Variants in CEP76 observed in about 807,000 individuals in gnomAD.
CEP76 encodes the protein centrosomal protein 76, also known as centrosomal protein of 76 kDa.
A neutral mutation model predicts 83.3 loss-of-function variants in CEP76; 55 were observed. The observed-to-expected ratio is 0.66, with a 90% confidence interval of 0.53 to 0.83. The LOEUF (loss-of-function observed/expected upper bound fraction) is 0.83. Ranked by LOEUF, CEP76 falls within the 40% of genes least tolerant of loss-of-function variation. The pLI, the probability that CEP76 is intolerant of heterozygous loss-of-function variation, is 0.00. For missense variants in CEP76, 694 were observed against 799.5 expected (o/e 0.87, Z 1.59); for synonymous variants, 270 against 274.5 (o/e 0.98, Z 0.16).
In CEP76 at chr18:12,673,288, C is replaced by T. The variant is rs1156861236; in HGVS notation, c.*77G>A. The T allele has an allele frequency of 2.0e-6, 3 of 1,507,202 alleles. No individual in the cohort carries two copies. The African/African-American group carries it at 4.4e-5, about 22-fold the overall frequency. 93.4% of individuals were successfully genotyped at this position (1,507,202 alleles called of 1,614,324 possible). On this transcript the variant is annotated 3_prime_UTR_variant, in exon 12 of 12. Transcript: ENST00000262127. Reference sequence around the variant, plus strand: ...CAGATTGTGATTTTAAAATAACAAACCTCTAAATAGCTAAGTAATGTACAA... The same window carrying T: ...CAGATTGTGATTTTAAAATAACAAATCTCTAAATAGCTAAGTAATGTACAA...
chr18:12,666,437 T>G (rs986483039), intron 12 of CEP76, among the ~76,000 whole-genome samples: 608 of 60,096 alleles, frequency 0.01, 6 homozygotes, highest in African/African-American at 0.033. Context: ...AATTTTATGG[T>G]TTTTTTTTTT....
At chr18:12,662,377 A>G (rs1287129300) in intron 12 of CEP76, among the ~76,000 whole-genome samples, 2 of 152,224 alleles carry the variant, frequency 1.3e-5, no homozygotes, top group Non-Finnish European at 2.9e-5. Context: ...AGGACAAAAT[A>G]CAGAAGCAGT....
In CEP76 at chr18:12,702,632, G is replaced by C. The variant is rs1015507977; in HGVS notation, c.-84C>G. 30 of 1,438,068 alleles carry C rather than the reference G, an allele frequency of 2.1e-5. No individual in the cohort carries two copies. In the African/African-American group the frequency reaches 4.2e-4, roughly 20 times the overall value. The allele number at this position is 1,438,068 out of a possible 1,614,324, so 89.1% of individuals were successfully genotyped here. A position where few individuals can be genotyped will look rare whatever the true frequency, so the allele number is the denominator to read the frequency against. ...CCCCGGCCGGGCCAGGGAGCGTTAG[G>C]AGCGACTGGAGCACAAAGCGCCGCA... is the stretch of plus-strand genomic sequence containing the variant. On this transcript the variant is annotated 5_prime_UTR_variant, in exon 1 of 12. Transcript: ENST00000262127.
At chr18:12,696,964 C>G (rs867938243) in intron 5 of CEP76, among the ~76,000 whole-genome samples, 1 of 151,952 alleles carries the variant, frequency 6.6e-6, no homozygotes, top group African/African-American at 2.4e-5. Flanking sequence ...AAATTAAAAC[C>G]CTCAAAATTC....
At chr18:12,678,054 T>C (rs2039207580) in intron 10 of CEP76, 55 bp downstream of exon 10, 3 of 1,428,708 alleles carry the variant, frequency 2.1e-6, no homozygotes, top group Non-Finnish European at 2.9e-6. Context: ...CAAAAAACAG[T>C]TAAATACATA....
intron 12 of CEP76, among the ~76,000 whole-genome samples, chr18:12,666,672 A>T (rs1359112099): frequency 6.7e-6 from 1 of 149,972 alleles, no homozygotes; most frequent in East Asian, 2.0e-4. Context: ...CTGGTCTCGA[A>T]CTCCTCACTC....
downstream of CEP76, among the ~76,000 whole-genome samples, chr18:12,669,382 G>T (rs2038882777): frequency 6.6e-6 from 1 of 151,942 alleles, no homozygotes; most frequent in African/African-American, 2.4e-5. Flanking sequence ...AAAGTGCTGG[G>T]ATTACAGGCA....
chr18:12,672,883 G>GT lies in CEP76; in HGVS notation c.*481dup. The GT allele has an allele frequency of 1.0e-6, 1 of 985,238 alleles. No homozygotes were observed. Among genetic ancestry groups the GT allele is most frequent in the Middle Eastern group, 5.2e-4 (1 of 1,912 alleles). 61.0% of individuals were successfully genotyped at this position (985,238 alleles called of 1,614,324 possible). On this transcript the variant is annotated 3_prime_UTR_variant, in exon 12 of 12. Transcript: ENST00000262127. ...GGACCACGAATAAACCACAAAAGTG[G>GT]TAATTCATTAACATTTATTTTCACC...
At chr18:12,676,571 G>C (rs2039144474) in intron 10 of CEP76, among the ~76,000 whole-genome samples, 1 of 151,910 alleles carries the variant, frequency 6.6e-6, no homozygotes, top group South Asian at 2.1e-4. Flanking sequence ...CACTGTGCCT[G>C]GCCAAAAGTA....
rs548162238 is a variant in CEP76, at chr18:12,677,384, ACCAAGATCACGCCACTGTG to A, written c.1623+706_1623+724del. Among the ~76,000 whole-genome samples the A allele has an allele frequency of 2.8e-3, 422 of 149,854 alleles. 1 individual carries two copies. Among genetic ancestry groups the A allele is most frequent in the Non-Finnish European group, 3.9e-3 (264 of 67,568 alleles). On this transcript the variant is annotated intron_variant, in intron 10 of 11. Coordinates refer to ENST00000262127, the MANE Select transcript of CEP76 (RefSeq NM_024899.4). The stretch of plus-strand genomic sequence containing the variant: ...ACCTGGGAGGTAGAGGTTGCAGTGA[ACCAAGATCACGCCACTGTG>A]CCAAGATCACGCCACTGCGCTCCAG...
At position 12,695,329 on chromosome 18, in the gene CEP76, C is replaced by CA; in HGVS notation, c.728dup (p.Ile245AsnfsTer7). 6.5e-7 allele frequency: 1 copy of CA among 1,546,352 alleles called. No homozygotes were observed. Among genetic ancestry groups the CA allele is most frequent in the Non-Finnish European group, 8.9e-7 (1 of 1,127,462 alleles). ...TTTCAAGTTTTATATTTAAAATTCC[C>CA]ACAGAAACTTTTGATTCTGTGCCTA... On this transcript the variant is annotated frameshift_variant, in exon 6 of 12. Transcript: ENST00000262127. LOFTEE classifies it high-confidence loss of function.
At chr18:12,699,735 G>C in intron 3 of CEP76, 95 bp downstream of exon 3, 1 of 685,124 alleles carries the variant, frequency 1.5e-6, no homozygotes. Context: ...ATTTTGGGGG[G>C]AAAAAATGGA....
intron 6 of CEP76, among the ~76,000 whole-genome samples, chr18:12,693,561 G>C (rs748995745): frequency 6.6e-6 from 1 of 152,286 alleles, no homozygotes; most frequent in African/African-American, 2.4e-5. Flanking sequence ...GAGGCAGGCA[G>C]ATCACGAGGT....
intron 8 of CEP76, among the ~76,000 whole-genome samples, chr18:12,683,186 CAA>C (rs765652085): frequency 9.4e-5 from 6 of 63,650 alleles, no homozygotes; most frequent in Non-Finnish European, 1.2e-4. Flanking sequence ...CTAAAAATAC[CAA>C]AAAAAAAAAA....
intron 10 of CEP76, among the ~76,000 whole-genome samples, chr18:12,674,987 T>C (rs1464669989): frequency 6.6e-6 from 1 of 152,172 alleles, no homozygotes; most frequent in Non-Finnish European, 1.5e-5. Flanking sequence ...CAAAACAATG[T>C]TCACAAAGTC....
chr18:12,698,235 T>C (rs897501747), intron 4 of CEP76, among the ~76,000 whole-genome samples: 4 of 151,940 alleles, frequency 2.6e-5, no homozygotes, highest in African/African-American at 7.2e-5. Context: ...TTTATTCATT[T>C]ATTTATTTAT....
At chr18:12,670,220 C>T (rs2038908533), downstream of CEP76, among the ~76,000 whole-genome samples, 1 of 151,794 alleles carries the variant, frequency 6.6e-6, no homozygotes, top group African/African-American at 2.4e-5. Context: ...GTCCCAGCTA[C>T]TTGGGAGGCT....
Position 12,702,512 on chromosome 18 carries a change from G to A in CEP76, c.37C>T (p.Gln13Ter), listed in dbSNP as rs1294843737. Residue 13 changes from glutamine (Q) to a stop codon, truncating the protein, a stop_gained, in exon 1 of 12, where the codon CAG becomes TAG. Coordinates refer to ENST00000262127, the MANE Select transcript of CEP76 (RefSeq NM_024899.4). LOFTEE classifies it high-confidence loss of function. ...TTGCTCAGCTGCTGGTGGATGAGCTGCTTCAGCTCGGAGGCTTTCTCCGGA... is the reference window on the plus strand; with the variant it reads ...TTGCTCAGCTGCTGGTGGATGAGCTACTTCAGCTCGGAGGCTTTCTCCGGA... ...LPPEKASELKQLIHQQLSKMD... is the reference protein window; with the variant it reads ...LPPEKASELK The A allele has an allele frequency of 3.1e-6, 5 of 1,609,854 alleles. No individual in the cohort carries two copies. Among genetic ancestry groups the A allele is most frequent in the Non-Finnish European group, 4.2e-6 (5 of 1,178,790 alleles).
At chr18:12,691,279 ATAAATAT>A in intron 7 of CEP76, 73 bp downstream of exon 7, 1 of 897,922 alleles carries the variant, frequency 1.1e-6, no homozygotes, top group Non-Finnish European at 1.6e-6. Context: ...CATTTTACAA[ATAAATAT>A]TAAATGAAAT....
Sources: allele counts gnomAD v4.1 joint callset (sites outside exome capture counted in the v4.1 genomes callset), GRCh38; gene constraint gnomAD v4.1.1; transcripts MANE v1.5; gene names NCBI Gene and HGNC (gene_info 2026-07-23, HGNC 2026-07-21).